Variants in DNAH2 observed in about 807,000 individuals in gnomAD.
DNAH2 encodes dynein axonemal heavy chain 2, also known as axonemal beta dynein heavy chain 2.
Under a neutral mutation model 523.5 loss-of-function variants are expected in DNAH2, and 323 were observed. That is an observed-to-expected ratio of 0.62 (90% CI 0.56 to 0.68). The LOEUF (loss-of-function observed/expected upper bound fraction) is 0.68, where lower values mean the gene tolerates loss of function less well. DNAH2 is among the 30% of genes least tolerant of loss of function. The probability of loss-of-function intolerance (pLI) is 0.00; values close to 1 mark genes in which losing one functional copy is unlikely to be tolerated. For synonymous variants in DNAH2, 2,093 were observed against 2,177.4 expected, an observed-to-expected ratio of 0.96 and a Z score of 1.08; for missense variants, 4,907 against 5,701.5, an observed-to-expected ratio of 0.86 and a Z score of 4.49.
In DNAH2 at chr17:7,760,004, G is replaced by A; in HGVS notation, c.2785+66G>A. ...GAGGCTGTCGAGTGGGCCAGGCCAG[G>A]AGGAGAGACCAGGGCTATTTCCAGG... On this transcript the variant is annotated intron_variant, in intron 17 of 85. Transcript: ENST00000572933. The surrounding 1 kb of genome is among the most constrained non-coding windows in gnomAD (Gnocchi z 4.0). 1.2e-6 allele frequency: 2 copies of A among 1,609,000 alleles called. No homozygotes were observed. The highest frequency in any genetic ancestry group is 2.2e-5 in the East Asian group (1 of 44,826).
intron 3 of DNAH2, among the ~76,000 whole-genome samples, 163 bp from the exon 4 acceptor site, chr17:7,726,959 T>C (rs539574810): frequency 4.9e-4 from 75 of 152,350 alleles, no homozygotes; most frequent in African/African-American, 1.8e-3. Flanking sequence ...ATCTTATTTT[T>C]CTGTTTCTTC....
chr17:7,730,726 G>C (rs918300406), intron 4 of DNAH2, among the ~76,000 whole-genome samples: 1 of 152,108 alleles, frequency 6.6e-6, no homozygotes, highest in African/African-American at 2.4e-5. Context: ...GCTTGAACCC[G>C]GGAGGCGGAG....
chr17:7,723,601 T>C (rs765173269), intron 2 of DNAH2, 27 bp from the exon 3 acceptor site: 2 of 1,610,050 alleles, frequency 1.2e-6, no homozygotes, highest in Non-Finnish European at 1.7e-6. Context: ...AGAAATGCCT[T>C]CCTTTTTGTA....
At chr17:7,757,470 C>T (rs1441801296) in intron 13 of DNAH2, among the ~76,000 whole-genome samples, 2 of 152,140 alleles carry the variant, frequency 1.3e-5, no homozygotes, top group Non-Finnish European at 1.5e-5. Context: ...CCCCTCCCAC[C>T]CCACTGGTCA....
Position 7,768,144 on chromosome 17 carries a change from T to C in DNAH2, c.3838-20T>C, listed in dbSNP as rs2076222189. 6.2e-7 allele frequency: 1 copy of C among 1,614,170 alleles called. No individual in the cohort carries two copies. Among genetic ancestry groups the C allele is most frequent in the South Asian group, 1.1e-5 (1 of 91,082 alleles). The stretch of plus-strand genomic sequence containing the variant: ...CCAGGGAGGTCGTCGGGTCTTCTCA[T>C]GCCCCCAACTTTTGCTCAGGACCGA... On this transcript the variant is annotated intron_variant, in intron 23 of 85. Coordinates refer to ENST00000572933, the MANE Select transcript of DNAH2 (RefSeq NM_020877.5).
chr17:7,724,379 G>A (rs575974430), intron 3 of DNAH2, among the ~76,000 whole-genome samples: 1 of 152,262 alleles, frequency 6.6e-6, no homozygotes, highest in Non-Finnish European at 1.5e-5. Context: ...CCGCACTTTA[G>A]GATGCCGAGG....
intron 24 of DNAH2, among the ~76,000 whole-genome samples, chr17:7,768,699 C>T (rs1419933000): frequency 6.6e-6 from 1 of 152,170 alleles, no homozygotes; most frequent in African/African-American, 2.4e-5. Flanking sequence ...GAACTTTCCA[C>T]CTACCACCCC....
chr17:7,722,187 C>CGG lies in DNAH2; in HGVS notation c.167-1431_167-1430dup, dbSNP rs56380951. Among the ~76,000 whole-genome samples, 304 of 144,436 alleles carry CGG rather than the reference C, an allele frequency of 2.1e-3. 1 individual carries two copies. The highest frequency in any genetic ancestry group is 3.2e-3 in the Non-Finnish European group (212 of 65,832). The allele number at this position is 144,436 out of a possible 152,430, so 94.8% of individuals were successfully genotyped here. A position where few individuals can be genotyped will look rare whatever the true frequency, so the allele number is the denominator to read the frequency against. On this transcript the variant is annotated intron_variant, in intron 2 of 85. Transcript: ENST00000572933. Reference sequence around the variant, plus strand: ...CTAATTTTTTGTATTTTTATAGAGACGGGGGGGGGGGTTCACCATCTTGGC... The same window carrying CGG: ...CTAATTTTTTGTATTTTTATAGAGACGGGGGGGGGGGGGTTCACCATCTTGGC...
At chr17:7,722,570 G>C (rs12451505) in intron 2 of DNAH2, among the ~76,000 whole-genome samples, 56,497 of 151,712 alleles carry the variant, frequency 0.37, 10,687 homozygotes, top group Admixed American at 0.46. Context: ...CCCTTCCCCC[G>C]CAGATCCCAG....
intron 1 of DNAH2, among the ~76,000 whole-genome samples, chr17:7,719,190 T>G (rs564479684): frequency 6.6e-6 from 1 of 150,530 alleles, no homozygotes; most frequent in Non-Finnish European, 1.5e-5. Flanking sequence ...TATAGTAGCA[T>G]GATCTTGGCT....
Position 7,818,436 on chromosome 17 carries a change from C to A in DNAH2, c.10512C>A (p.Ile3504=). ...CAGAGACCTCAGCCAAGACCACCATCGTCAACTTTGCTGTTAAAGAACAGG... is the reference window on the plus strand; with the variant it reads ...CAGAGACCTCAGCCAAGACCACCATAGTCAACTTTGCTGTTAAAGAACAGG... ...YSPETSAKTT[I]VNFAVKEQGL... The change falls in exon 69 of 86, where the codon ATC becomes ATA. Residue 3504 remains isoleucine, a synonymous_variant. Coordinates refer to ENST00000572933, the MANE Select transcript of DNAH2 (RefSeq NM_020877.5). The A allele has an allele frequency of 6.2e-7, 1 of 1,614,196 alleles. No individual in the cohort carries two copies. Among genetic ancestry groups the A allele is most frequent in the Non-Finnish European group, 8.5e-7 (1 of 1,180,034 alleles).
chr17:7,722,468 A>T (rs143384352), intron 2 of DNAH2, among the ~76,000 whole-genome samples: 1 of 152,178 alleles, frequency 6.6e-6, no homozygotes, highest in Non-Finnish European at 1.5e-5. Context: ...AAGCCACTTT[A>T]AGCACCTTGA....
chr17:7,802,958 C>T (rs1025194399), intron 58 of DNAH2, among the ~76,000 whole-genome samples: 2 of 152,076 alleles, frequency 1.3e-5, no homozygotes, highest in African/African-American at 2.4e-5. Flanking sequence ...CAGGCATGAG[C>T]CACCGTGCCC....
chr17:7,787,906 C>T lies in DNAH2; in HGVS notation c.6650C>T (p.Ala2217Val). ...GAGGACCTGGCAATGGCCTCTCCGG[C>T]CACTGTATCCCGCTGCGGGATGGTC... is the stretch of plus-strand genomic sequence containing the variant. ...EVEDLAMASPATVSRCGMVYT... is the reference protein window; with the variant it reads ...EVEDLAMASPVTVSRCGMVYT... The change falls in exon 43 of 86, where the codon GCC becomes GTC. Residue 2217 changes from alanine (A) to valine (V), a missense_variant. By Grantham distance (64) the Ala-to-Val change is moderately conservative. Transcript: ENST00000572933. The T allele has an allele frequency of 6.2e-7, 1 of 1,614,132 alleles. No individual in the cohort carries two copies. Among genetic ancestry groups the T allele is most frequent in the Non-Finnish European group, 8.5e-7 (1 of 1,179,998 alleles).
chr17:7,747,460 G>A (rs1003291295), intron 12 of DNAH2, among the ~76,000 whole-genome samples: 18 of 152,176 alleles, frequency 1.2e-4, no homozygotes, highest in South Asian at 8.3e-4. Flanking sequence ...TGACTATTCC[G>A]TGCTGGTGGA....
chr17:7,794,474 G>T lies in DNAH2; in HGVS notation c.7674+116G>T, dbSNP rs937862282. Reference sequence around the variant, plus strand: ...TGCGGCACCCCAAGTGGAGCTCCACGCAGGACGCTGGGACGATCCGTAAGG... The same window carrying T: ...TGCGGCACCCCAAGTGGAGCTCCACTCAGGACGCTGGGACGATCCGTAAGG... On this transcript the variant is annotated intron_variant, in intron 49 of 85. Transcript: ENST00000572933. The T allele has an allele frequency of 9.2e-6, 8 of 871,734 alleles. No homozygotes were observed. The South Asian group carries it at 1.3e-4, about 14-fold the overall frequency. The allele number at this position is 871,734 out of a possible 1,614,324, so 54.0% of individuals were successfully genotyped here. A position where few individuals can be genotyped will look rare whatever the true frequency, so the allele number is the denominator to read the frequency against.
chr17:7,790,096 C>T (rs1234073298), intron 44 of DNAH2, among the ~76,000 whole-genome samples: 1 of 152,138 alleles, frequency 6.6e-6, no homozygotes, highest in Non-Finnish European at 1.5e-5. Context: ...CTCCAAGAGG[C>T]CTGAGAGAGG....
Position 7,718,518 on chromosome 17 carries a change from C to T in DNAH2, c.-296C>T, listed in dbSNP as rs1233536529. On this transcript the variant is annotated 5_prime_UTR_variant, in exon 1 of 86. Coordinates refer to ENST00000572933, the MANE Select transcript of DNAH2 (RefSeq NM_020877.5). ...GCGCCTGGGATTCTGAGCACCTGTCCGAGATCCCCGCTTCCTGCCATCCTA... is the reference window on the plus strand; with the variant it reads ...GCGCCTGGGATTCTGAGCACCTGTCTGAGATCCCCGCTTCCTGCCATCCTA... The T allele has an allele frequency of 6.6e-6, 1 of 152,274 alleles. No homozygotes were observed. The highest frequency in any genetic ancestry group is 1.5e-5 in the Non-Finnish European group (1 of 68,026). 9.4% of individuals were successfully genotyped at this position (152,274 alleles called of 1,614,324 possible). A position where few individuals can be genotyped will look rare whatever the true frequency, so the allele number is the denominator to read the frequency against.
At chr17:7,776,730 C>G in intron 31 of DNAH2, 49 bp from the exon 32 acceptor site, 8 of 1,471,722 alleles carry the variant, frequency 5.4e-6, no homozygotes, top group Non-Finnish European at 7.6e-6. Context: ...CTGGGCTGTG[C>G]GTGTAGCCAA....
Sources: allele counts gnomAD v4.1 joint callset (sites outside exome capture counted in the v4.1 genomes callset), GRCh38; gene constraint gnomAD v4.1.1; non-coding constraint Gnocchi (gnomAD v3.1); transcripts MANE v1.5; gene names NCBI Gene and HGNC (gene_info 2026-07-23, HGNC 2026-07-21).